The following GSDMD variants were observed in gnomAD, a reference collection of about 807,000 sequenced individuals.
GSDMD encodes the protein gasdermin D.
Under a neutral mutation model 46.7 loss-of-function variants are expected in GSDMD, and 46 were observed. That is an observed-to-expected ratio of 0.99 (90% CI 0.78 to 1.26). The LOEUF (loss-of-function observed/expected upper bound fraction) is 1.26. GSDMD is among the 50% of genes most tolerant of loss of function. The probability of loss-of-function intolerance (pLI) is 0.00; values close to 1 mark genes in which losing one functional copy is unlikely to be tolerated. For missense variants in GSDMD, 649 were observed against 638.8 expected (o/e 1.02, Z -0.17); for synonymous variants, 307 against 283.1 (o/e 1.08, Z -0.85).
upstream of GSDMD, among the ~76,000 whole-genome samples, chr8:143,554,559 C>T (rs1280767363): frequency 1.3e-5 from 2 of 151,792 alleles, no homozygotes; most frequent in Non-Finnish European, 2.9e-5. Flanking sequence ...CGTGCATACA[C>T]GCGCGCAAAC....
Position 143,560,788 on chromosome 8 carries a change from G to A in GSDMD, c.579+17G>A, listed in dbSNP as rs921508786. 13 of 1,510,990 alleles carry A rather than the reference G, an allele frequency of 8.6e-6. No homozygotes were observed. Among genetic ancestry groups the A allele is most frequent in the Non-Finnish European group, 1.2e-5 (13 of 1,130,030 alleles). 93.6% of individuals were successfully genotyped at this position (1,510,990 alleles called of 1,614,324 possible). A position where few individuals can be genotyped will look rare whatever the true frequency, so the allele number is the denominator to read the frequency against. On this transcript the variant is annotated intron_variant, in intron 4 of 10. Transcript: ENST00000262580. ...TGCTTGCAGGTGTGTAGCCAGCCCC[G>A]GGCCACGCCTGGCCCCCCACGTGGG...
At chr8:143,561,603 G>T in intron 6 of GSDMD, 139 bp from the exon 7 acceptor site, 1 of 928,282 alleles carries the variant, frequency 1.1e-6, no homozygotes. Flanking sequence ...GGCCTCCCCA[G>T]CCTCCCTTCC....
chr8:143,560,261 G>A (rs770002715), intron 3 of GSDMD: 3 of 686,904 alleles, frequency 4.4e-6, no homozygotes, highest in Non-Finnish European at 8.0e-6. Context: ...CCAGCTTGCA[G>A]GAAGGAAGCT....
intron 1 of GSDMD, 128 bp from the exon 2 acceptor site, chr8:143,559,204 T>G: frequency 9.3e-6 from 6 of 645,018 alleles, no homozygotes; most frequent in South Asian, 1.9e-5. Flanking sequence ...CATCCCAGGA[T>G]GAGCTGGGCA....
chr8:143,554,621 G>A (rs974369825), upstream of GSDMD, among the ~76,000 whole-genome samples: 8 of 146,978 alleles, frequency 5.4e-5, no homozygotes, highest in African/African-American at 2.0e-4. Flanking sequence ...CAACACTCAG[G>A]TGCATAAACG....
At chr8:143,561,332 G>A in intron 5 of GSDMD, 38 bp from the exon 6 acceptor site, 1 of 1,574,060 alleles carries the variant, frequency 6.4e-7, no homozygotes, top group Non-Finnish European at 8.6e-7. Context: ...GGATCTAGGT[G>A]ACATGCCTGT....
chr8:143,561,615 G>T, intron 6 of GSDMD, 127 bp from the exon 7 acceptor site: 2 of 946,562 alleles, frequency 2.1e-6, no homozygotes, highest in South Asian at 3.1e-5. Flanking sequence ...CTCCCTTCCT[G>T]CCCTGGGCTG....
chr8:143,559,601 A>G (rs1823400492), intron 2 of GSDMD, 49 bp downstream of exon 2: 1 of 1,562,764 alleles, frequency 6.4e-7, no homozygotes, highest in Non-Finnish European at 8.7e-7. Context: ...TGGATGGGAG[A>G]GGGGAGCGGG....
chr8:143,559,803 T>C lies in GSDMD; in HGVS notation c.244T>C (p.Phe82Leu). The C allele has an allele frequency of 2.5e-6, 4 of 1,607,404 alleles. No homozygotes were observed. The highest frequency in any genetic ancestry group is 3.4e-6 in the Non-Finnish European group (4 of 1,177,166). Reference sequence around the variant, plus strand: ...CGTGCAGCGTGGCAGGAGCTTCCACTTCTACGATGCCATGGATGGGCAGAT... The same window carrying C: ...CGTGCAGCGTGGCAGGAGCTTCCACCTCTACGATGCCATGGATGGGCAGAT... Reference protein sequence around the residue: ...PDVQRGRSFHFYDAMDGQIQG... With the variant: ...PDVQRGRSFHLYDAMDGQIQG... The change falls in exon 3 of 11, where the codon TTC becomes CTC. Residue 82 changes from phenylalanine (F) to leucine (L), a missense_variant. Coordinates refer to ENST00000262580, the MANE Select transcript of GSDMD (RefSeq NM_024736.7).
chr8:143,561,761 C>T lies in GSDMD; in HGVS notation c.756C>T (p.Ser252=), dbSNP rs769590595. The change falls in exon 7 of 11, where the codon AGC becomes AGT. Residue 252 remains serine (S), a synonymous_variant. Coordinates refer to ENST00000262580, the MANE Select transcript of GSDMD (RefSeq NM_024736.7). ...PPATGHKRST[S]EGAWPQLPSG... is the part of the protein sequence containing the mutation. ...GCCCAGGCCACAAGCGTTCCACGAG[C>T]GAAGGCGCCTGGCCACAGCTGCCCT... 13 of 1,608,996 alleles carry T rather than the reference C, an allele frequency of 8.1e-6. No individual in the cohort carries two copies. Among genetic ancestry groups the T allele is most frequent in the East Asian group, 4.5e-5 (2 of 44,622 alleles).
chr8:143,555,659 G>A (rs2130556612), upstream of GSDMD, among the ~76,000 whole-genome samples: 1 of 152,320 alleles, frequency 6.6e-6, no homozygotes, highest in South Asian at 2.1e-4. Flanking sequence ...ACACCCCAGG[G>A]CGCTGGCTTC....
At chr8:143,559,091 A>T in intron 1 of GSDMD, 1 of 595,368 alleles carries the variant, frequency 1.7e-6, no homozygotes, top group Middle Eastern at 3.4e-4. Context: ...GTCAGGCCTC[A>T]CTGTCCCTGG....
chr8:143,561,766 G>A lies in GSDMD; in HGVS notation c.761G>A (p.Gly254Asp), dbSNP rs769059834. The A allele has an allele frequency of 6.2e-7, 1 of 1,609,720 alleles. No individual in the cohort carries two copies. The highest frequency in any genetic ancestry group is 8.5e-7 in the Non-Finnish European group (1 of 1,178,552). Residue 254 changes from glycine (G) to aspartate (D), a missense_variant, in exon 7 of 11, where the codon GGC becomes GAC. Transcript: ENST00000262580. Reference sequence around the variant, plus strand: ...GGCCACAAGCGTTCCACGAGCGAAGGCGCCTGGCCACAGCTGCCCTCTGGC... The same window carrying A: ...GGCCACAAGCGTTCCACGAGCGAAGACGCCTGGCCACAGCTGCCCTCTGGC... ...ATGHKRSTSEGAWPQLPSGLS... is the reference protein window; with the variant it reads ...ATGHKRSTSEDAWPQLPSGLS...
chr8:143,556,890 G>A (rs187077306), upstream of GSDMD, among the ~76,000 whole-genome samples: 5 of 152,366 alleles, frequency 3.3e-5, no homozygotes, highest in Admixed American at 1.3e-4. Context: ...TCCATTTAAA[G>A]TGTGCAATTC....
At chr8:143,554,625 A>G (rs564152749), upstream of GSDMD, among the ~76,000 whole-genome samples, 21 of 150,000 alleles carry the variant, frequency 1.4e-4, no homozygotes, top group African/African-American at 5.2e-4. Context: ...ACTCAGGTGC[A>G]TAAACGCGCG....
chr8:143,558,905 C>G (rs1261032916), intron 1 of GSDMD: 5 of 432,852 alleles, frequency 1.2e-5, no homozygotes, highest in Non-Finnish European at 2.2e-5. Context: ...CCCTGGAGGA[C>G]GCAGCTGGGG....
At position 143,562,997 on chromosome 8, in the gene GSDMD, A is replaced by G. The variant is rs772004637; in HGVS notation, c.*93A>G. On this transcript the variant is annotated 3_prime_UTR_variant, in exon 11 of 11. Coordinates refer to ENST00000262580, the MANE Select transcript of GSDMD (RefSeq NM_024736.7). ...TAGGAAGGCCAGGAGCCCAGTAGCC[A>G]TGTGGCCAGTCTACCATGGGGCCCA... 2.6e-6 allele frequency: 4 copies of G among 1,516,046 alleles called. No homozygotes were observed. The African/African-American group carries it at 4.1e-5, about 16-fold the overall frequency. The allele number at this position is 1,516,046 out of a possible 1,614,324, so 93.9% of individuals were successfully genotyped here.
At position 143,558,685 on chromosome 8, in the gene GSDMD, C is replaced by T. The variant is rs1460482866; in HGVS notation, c.-5+234C>T. On this transcript the variant is annotated intron_variant, in intron 1 of 10. Transcript: ENST00000262580. ...GACTCCCAGGTCCGCCATCCAGGTT[C>T]CCGGGCCGGTGCTGTTCCCGCCCCC... The T allele has an allele frequency of 5.2e-6, 3 of 572,460 alleles. No homozygotes were observed. In the African/African-American group the frequency reaches 5.9e-5, roughly 11 times the overall value. 35.5% of individuals were successfully genotyped at this position (572,460 alleles called of 1,614,324 possible).
intron 2 of GSDMD, 32 bp downstream of exon 2, chr8:143,559,584 G>T: frequency 1.3e-6 from 2 of 1,589,442 alleles, no homozygotes; most frequent in Middle Eastern, 1.7e-4. Flanking sequence ...CAGAGCCCCA[G>T]GGAGGCTGGA....
Sources: gnomAD v4.1 joint callset for allele counts (sites outside exome capture counted in the v4.1 genomes callset) on GRCh38, gnomAD v4.1.1 for gene constraint, MANE v1.5 for transcripts, NCBI Gene and HGNC (gene_info 2026-07-23, HGNC 2026-07-21) for gene names.